Variants in FBLN7 observed in about 807,000 individuals in gnomAD.
FBLN7 encodes fibulin-7.
A neutral mutation model predicts 44.0 loss-of-function variants in FBLN7; 31 were observed. The observed-to-expected ratio is 0.70, with a 90% confidence interval of 0.53 to 0.95. FBLN7 has a LOEUF of 0.95. Ranked by LOEUF, FBLN7 falls within the 40% of genes least tolerant of loss-of-function variation. The pLI is 0.00. For missense variants in FBLN7, 573 were observed against 618.5 expected (o/e 0.93, Z 0.78); for synonymous variants, 262 against 253.4 (o/e 1.03, Z -0.32).
chr2:112,170,549 G>C (rs947443214), intron 3 of FBLN7, among the ~76,000 whole-genome samples: 5 of 136,424 alleles, frequency 3.7e-5, no homozygotes, highest in Non-Finnish European at 7.8e-5. Flanking sequence ...AAAAAAAAAA[G>C]AAAAGAAAAG....
the FBLN7 span, chr2:112,234,248 A>G: frequency 4.0e-5 from 61 of 1,524,640 alleles, no homozygotes; most frequent in East Asian, 1.4e-3. Context: ...TTTAAAAACA[A>G]AAACAAAAAA....
chr2:112,238,222 A>T, the FBLN7 span: 1 of 1,262,906 alleles, frequency 7.9e-7, no homozygotes, highest in South Asian at 1.4e-5. Flanking sequence ...TTATCATAAG[A>T]TAAAGTGCAA....
intron 6 of FBLN7, among the ~76,000 whole-genome samples, chr2:112,183,170 T>C (rs925155895): frequency 1.3e-5 from 2 of 152,182 alleles, no homozygotes; most frequent in Non-Finnish European, 1.5e-5. Context: ...TTTGAGTAAA[T>C]GGGTTTTTTG....
chr2:112,142,405 T>C (rs12622882), intron 1 of FBLN7, among the ~76,000 whole-genome samples: 27,107 of 152,124 alleles, frequency 0.18, 3,574 homozygotes, highest in East Asian at 0.67. Flanking sequence ...GTATTCCCAC[T>C]ATAGGGCTCC....
the FBLN7 span, among the ~76,000 whole-genome samples, chr2:112,208,849 A>C: frequency 1.3e-5 from 2 of 152,202 alleles, no homozygotes; most frequent in Non-Finnish European, 2.9e-5. Context: ...GGATCAGTTC[A>C]TTTGTAATAA....
the FBLN7 span, among the ~76,000 whole-genome samples, chr2:112,200,326 GA>G: frequency 6.6e-6 from 1 of 152,126 alleles, no homozygotes; most frequent in Non-Finnish European, 1.5e-5. Context: ...AGCCATGGGG[GA>G]CACCTCAGAT....
At chr2:112,220,932 T>C in the FBLN7 span, among the ~76,000 whole-genome samples, 3 of 152,266 alleles carry the variant, frequency 2.0e-5, no homozygotes, top group Non-Finnish European at 4.4e-5. Flanking sequence ...CTATCCGTCA[T>C]GAGGATGATC....
Position 112,187,581 on chromosome 2 carries a change from C to T in FBLN7, c.*75C>T, listed in dbSNP as rs778813130. On this transcript the variant is annotated 3_prime_UTR_variant, in exon 8 of 8. Coordinates refer to ENST00000331203, the MANE Select transcript of FBLN7 (RefSeq NM_153214.3). The surrounding 1 kb of genome is among the most constrained non-coding windows in gnomAD (Gnocchi z 5.1). ...CCGAAGGCTCAGCTTCGGGCACCGA[C>T]TGCGTGGAGCCTCCCGCCTGTTCCC... 6.4e-7 allele frequency: 1 copy of T among 1,556,008 alleles called. No individual in the cohort carries two copies. Among genetic ancestry groups the T allele is most frequent in the Non-Finnish European group, 8.7e-7 (1 of 1,147,340 alleles).
chr2:112,197,274 CAGAGAGAGAGAGAGAG>C, the FBLN7 span, among the ~76,000 whole-genome samples: 62 of 98,658 alleles, frequency 6.3e-4, no homozygotes, highest in African/African-American at 2.0e-3. Context: ...CACACACACA[CAGAGAGAGAGAGAGAG>C]AGAGAGAGAG....
chr2:112,234,610 G>T, the FBLN7 span, among the ~76,000 whole-genome samples: 2 of 152,126 alleles, frequency 1.3e-5, no homozygotes, highest in African/African-American at 4.8e-5. Flanking sequence ...AGACCAGCCT[G>T]GCCAACACAG....
chr2:112,230,857 G>T, the FBLN7 span: 26 of 1,225,720 alleles, frequency 2.1e-5, no homozygotes, highest in Non-Finnish European at 2.7e-5. Context: ...AACTTCTGGA[G>T]ATGTTCAGAC....
chr2:112,142,581 C>G (rs1400304163), intron 1 of FBLN7, among the ~76,000 whole-genome samples: 1 of 152,084 alleles, frequency 6.6e-6, no homozygotes, highest in Non-Finnish European at 1.5e-5. Context: ...GTGGGAGGCA[C>G]TGAGGACAGG....
At chr2:112,231,121 T>C in the FBLN7 span, among the ~76,000 whole-genome samples, 2 of 152,122 alleles carry the variant, frequency 1.3e-5, no homozygotes, top group Admixed American at 1.3e-4. Flanking sequence ...TATATCACTT[T>C]TCCATATCTA....
At chr2:112,175,957 C>T (rs1453959838) in intron 4 of FBLN7, 118 bp downstream of exon 4, 2 of 1,290,386 alleles carry the variant, frequency 1.5e-6, no homozygotes, top group African/African-American at 3.0e-5. Flanking sequence ...AAAGATGTAG[C>T]TTTTCCTCTC....
chr2:112,202,968 G>C, the FBLN7 span, among the ~76,000 whole-genome samples: 2 of 152,128 alleles, frequency 1.3e-5, no homozygotes, highest in African/African-American at 4.8e-5. Flanking sequence ...ACAATCAGTA[G>C]CAATTGTTTA....
At chr2:112,140,524 C>A (rs1680589196) in intron 1 of FBLN7, among the ~76,000 whole-genome samples, 1 of 152,112 alleles carries the variant, frequency 6.6e-6, no homozygotes, top group African/African-American at 2.4e-5. Context: ...GCTGGCCGGG[C>A]CCCTGGGAGG....
At chr2:112,180,791 C>A (rs1419595307) in intron 4 of FBLN7, among the ~76,000 whole-genome samples, 1 of 151,748 alleles carries the variant, frequency 6.6e-6, no homozygotes, top group Non-Finnish European at 1.5e-5. Flanking sequence ...GGTGTGGTGG[C>A]GGGCGCCTGT....
At chr2:112,169,776 T>C (rs1682354030) in intron 3 of FBLN7, among the ~76,000 whole-genome samples, 1 of 152,092 alleles carries the variant, frequency 6.6e-6, no homozygotes, top group African/African-American at 2.4e-5. Context: ...AGCTGACGTT[T>C]GTGGTGAGGG....
At chr2:112,219,841 C>T in the FBLN7 span, among the ~76,000 whole-genome samples, 1 of 152,222 alleles carries the variant, frequency 6.6e-6, no homozygotes, top group South Asian at 2.1e-4. Context: ...CCTACCTCAA[C>T]GATCTAATAC....
Sources: allele counts gnomAD v4.1 joint callset (sites outside exome capture counted in the v4.1 genomes callset), GRCh38; gene constraint gnomAD v4.1.1; non-coding constraint Gnocchi (gnomAD v3.1); transcripts MANE v1.5; gene names NCBI Gene and HGNC (gene_info 2026-07-23, HGNC 2026-07-21).